Variants in NR3C2 observed in about 807,000 individuals in gnomAD.
NR3C2 encodes the protein mineralocorticoid receptor.
Under a neutral mutation model 86.4 loss-of-function variants are expected in NR3C2, and 15 were observed. That is an observed-to-expected ratio of 0.17 (90% confidence interval 0.12 to 0.27). The LOEUF (loss-of-function observed/expected upper bound fraction) is 0.27, where lower values mean the gene tolerates loss of function less well. Ranked by LOEUF, NR3C2 falls within the 10% of genes least tolerant of loss-of-function variation. NR3C2 has a pLI of 1.00. For synonymous variants in NR3C2, 458 were observed against 450.5 expected, an observed-to-expected ratio of 1.02 and a Z score of -0.21; for missense variants, 960 against 1,195.6, an observed-to-expected ratio of 0.80 and a Z score of 2.91.
At chr4:148,171,778 A>G (rs1045508170) in intron 4 of NR3C2, among the ~76,000 whole-genome samples, 4 of 152,048 alleles carry the variant, frequency 2.6e-5, no homozygotes, top group Admixed American at 2.6e-4. Flanking sequence ...CCAGAGGTGG[A>G]GCTACACCAC....
intron 4 of NR3C2, among the ~76,000 whole-genome samples, chr4:148,189,047 C>T (rs1736073229): frequency 6.6e-6 from 1 of 151,606 alleles, no homozygotes; most frequent in Non-Finnish European, 1.5e-5. Context: ...CCTGCCTCAG[C>T]CTCCCCAAGT....
chr4:148,425,535 G>A (rs1276776754), intron 2 of NR3C2, among the ~76,000 whole-genome samples: 1 of 152,198 alleles, frequency 6.6e-6, no homozygotes, highest in East Asian at 1.9e-4. Context: ...AGTAAGTACA[G>A]AGGACCCCAA....
intron 2 of NR3C2, among the ~76,000 whole-genome samples, chr4:148,376,268 G>T (rs971779490): frequency 9.2e-5 from 14 of 151,822 alleles, no homozygotes; most frequent in African/African-American, 3.4e-4. Context: ...AGGAAGAACT[G>T]TAATTCTTGA....
chr4:148,232,083 A>G (rs1385641247), intron 3 of NR3C2, among the ~76,000 whole-genome samples: 1 of 152,152 alleles, frequency 6.6e-6, no homozygotes, highest in Non-Finnish European at 1.5e-5. Context: ...GGAAAGTTGG[A>G]ATTAACTTCT....
At chr4:148,327,327 AG>A (rs1211673793) in intron 2 of NR3C2, among the ~76,000 whole-genome samples, 1 of 152,224 alleles carries the variant, frequency 6.6e-6, no homozygotes, top group Non-Finnish European at 1.5e-5. Context: ...ACTGGAGGGG[AG>A]GTTTTAAAAG....
At chr4:148,287,962 A>C (rs898590567) in intron 2 of NR3C2, among the ~76,000 whole-genome samples, 2 of 152,236 alleles carry the variant, frequency 1.3e-5, no homozygotes, top group African/African-American at 2.4e-5. Flanking sequence ...AAAATGATTC[A>C]TGAAAACATT....
intron 2 of NR3C2, among the ~76,000 whole-genome samples, chr4:148,310,707 C>T (rs776647058): frequency 1.3e-5 from 2 of 152,186 alleles, no homozygotes; most frequent in African/African-American, 2.4e-5. Flanking sequence ...AAATTTGCTC[C>T]TTTTAATTAT....
At chr4:148,261,620 G>T (rs1399395807) in intron 2 of NR3C2, among the ~76,000 whole-genome samples, 1 of 152,216 alleles carries the variant, frequency 6.6e-6, no homozygotes, top group Non-Finnish European at 1.5e-5. Context: ...ATGTGCAGAA[G>T]GGGGCTCAGA....
intron 2 of NR3C2, among the ~76,000 whole-genome samples, chr4:148,356,962 T>C (rs1745578150): frequency 6.6e-6 from 1 of 151,548 alleles, no homozygotes; most frequent in Non-Finnish European, 1.5e-5. Flanking sequence ...GTTTGCAATC[T>C]AGAAGACACA....
intron 6 of NR3C2, 131 bp downstream of exon 6, chr4:148,152,338 T>C: frequency 1.0e-6 from 1 of 987,794 alleles, no homozygotes; most frequent in Non-Finnish European, 1.5e-6. Context: ...GATCTGTAAA[T>C]TTTTAACGTT....
At chr4:148,259,227 T>G (rs1472956572) in intron 3 of NR3C2, among the ~76,000 whole-genome samples, 1 of 152,196 alleles carries the variant, frequency 6.6e-6, no homozygotes, top group African/African-American at 2.4e-5. Flanking sequence ...CAATGAATCT[T>G]TTACTAATAG....
At chr4:148,399,294 C>T (rs1372337314) in intron 2 of NR3C2, among the ~76,000 whole-genome samples, 1 of 152,102 alleles carries the variant, frequency 6.6e-6, no homozygotes, top group Non-Finnish European at 1.5e-5. Context: ...AAAATGGCAA[C>T]ATAATATTCC....
intron 2 of NR3C2, among the ~76,000 whole-genome samples, chr4:148,421,726 C>T (rs1749290082): frequency 6.6e-6 from 1 of 152,132 alleles, no homozygotes; most frequent in Non-Finnish European, 1.5e-5. Flanking sequence ...TTTATTCCCG[C>T]TACAGTAAAA....
At chr4:148,386,394 C>T (rs772147956) in intron 2 of NR3C2, among the ~76,000 whole-genome samples, 5 of 152,198 alleles carry the variant, frequency 3.3e-5, no homozygotes, top group Non-Finnish European at 7.3e-5. Flanking sequence ...CTAAGGCAAA[C>T]AAGTAACCTG....
chr4:148,191,309 C>T (rs979557331), intron 4 of NR3C2, among the ~76,000 whole-genome samples: 2 of 152,168 alleles, frequency 1.3e-5, no homozygotes, highest in African/African-American at 4.8e-5. Context: ...GAAGATAGGT[C>T]CCTAATCCCT....
At chr4:148,346,311 C>T (rs974115841) in intron 2 of NR3C2, among the ~76,000 whole-genome samples, 3 of 152,022 alleles carry the variant, frequency 2.0e-5, no homozygotes, top group Non-Finnish European at 4.4e-5. Context: ...AGATAGAAAA[C>T]GGTGGTGACA....
At chr4:148,101,937 A>G (rs1731556782) in intron 8 of NR3C2, among the ~76,000 whole-genome samples, 1 of 152,156 alleles carries the variant, frequency 6.6e-6, no homozygotes, top group Non-Finnish European at 1.5e-5. Flanking sequence ...TCTAATATAG[A>G]TACTGGAAAC....
chr4:148,194,219 A>AT (rs1736335057), intron 4 of NR3C2, among the ~76,000 whole-genome samples: 1 of 152,142 alleles, frequency 6.6e-6, no homozygotes, highest in South Asian at 2.1e-4. Context: ...TATCTTGAGG[A>AT]TGCTGAGTCT....
At chr4:148,098,759 C>T (rs2149715129) in intron 8 of NR3C2, among the ~76,000 whole-genome samples, 1 of 152,266 alleles carries the variant, frequency 6.6e-6, no homozygotes, top group South Asian at 2.1e-4. Flanking sequence ...ACTTTCTAGT[C>T]CCTTTATGAC....
Sources: allele counts gnomAD v4.1 joint callset (sites outside exome capture counted in the v4.1 genomes callset), GRCh38; gene constraint gnomAD v4.1.1; transcripts MANE v1.5; gene names NCBI Gene and HGNC (gene_info 2026-07-23, HGNC 2026-07-21).